Variants in ANKRD12 observed in about 807,000 individuals in gnomAD.
The protein encoded by ANKRD12 is ankyrin repeat domain-containing protein 12.
Under a neutral mutation model 183.4 loss-of-function variants are expected in ANKRD12, and 85 were observed. The observed-to-expected ratio is 0.46, with a 90% CI of 0.39 to 0.56. ANKRD12 has a LOEUF of 0.56. ANKRD12 is among the 20% of genes least tolerant of loss of function. The pLI is 0.00. For synonymous variants in ANKRD12, 914 were observed against 800.2 expected (o/e 1.14, Z -2.40); for missense variants, 2,405 against 2,357.1 (o/e 1.02, Z -0.42).
intron 1 of ANKRD12, among the ~76,000 whole-genome samples, chr18:9,138,200 T>C (rs943831538): frequency 3.3e-5 from 5 of 152,216 alleles, no homozygotes; most frequent in Non-Finnish European, 1.5e-5. Flanking sequence ...TATTTTATCG[T>C]AAATTAACTG....
intron 10 of ANKRD12, among the ~76,000 whole-genome samples, chr18:9,266,674 A>G (rs1350860305): frequency 6.6e-6 from 1 of 152,254 alleles, no homozygotes; most frequent in Non-Finnish European, 1.5e-5. Flanking sequence ...GCCAAATTGT[A>G]AAGACCATCA....
chr18:9,192,719 A>G (rs968885323), intron 2 of ANKRD12, among the ~76,000 whole-genome samples: 3 of 122,670 alleles, frequency 2.4e-5, no homozygotes, highest in Non-Finnish European at 5.4e-5. Context: ...CTTTTTTTTT[A>G]GAGACAGGGT....
intron 3 of ANKRD12, among the ~76,000 whole-genome samples, chr18:9,203,089 T>C (rs2035270076): frequency 6.6e-6 from 1 of 152,248 alleles, no homozygotes; most frequent in Admixed American, 6.5e-5. Context: ...TTAAATTTTT[T>C]TGTTTGTCTT....
rs2040086403 is a variant in ANKRD12 at position 9,280,988 on chromosome 18, T to C, written c.6051T>C (p.Ala2017=). Residue 2017 remains alanine, a synonymous_variant, in exon 13 of 13, where the codon GCT becomes GCC. Coordinates refer to ENST00000262126, the MANE Select transcript of ANKRD12 (RefSeq NM_015208.5). ...RQQHEAAALN[A]VQRLEWQLKL... is the part of the protein sequence containing the mutation. The stretch of plus-strand genomic sequence containing the variant: ...AACATGAAGCTGCGGCTTTAAATGC[T>C]GTCCAGAGGTTAGAATGGCAGCTCA... 4 of 1,613,750 alleles carry C rather than the reference T, an allele frequency of 2.5e-6. No individual in the cohort carries two copies. The South Asian group carries it at 4.4e-5, about 18-fold the overall frequency.
intron 1 of ANKRD12, among the ~76,000 whole-genome samples, chr18:9,167,034 C>T (rs555971179): frequency 5.9e-5 from 9 of 151,820 alleles, no homozygotes; most frequent in East Asian, 3.9e-4. Flanking sequence ...TGTAAATATG[C>T]GGCATTATTT....
At position 9,258,550 on chromosome 18, in the gene ANKRD12, C is replaced by T; in HGVS notation, c.5283C>T (p.Asp1761=). The T allele has an allele frequency of 2.5e-6, 4 of 1,613,760 alleles. No individual in the cohort carries two copies. The highest frequency in any genetic ancestry group is 3.4e-6 in the Non-Finnish European group (4 of 1,179,906). ...LASCTLLSEK[D]SESSSPRGRI... ...GCTGTACACTATTATCAGAAAAAGACAGTGAATCCTCATCTCCTAGAGGAA... is the reference window on the plus strand; with the variant it reads ...GCTGTACACTATTATCAGAAAAAGATAGTGAATCCTCATCTCCTAGAGGAA... Residue 1761 remains aspartate (D), a synonymous_variant, in exon 9 of 13, where the codon GAC becomes GAT. Coordinates refer to ENST00000262126, the MANE Select transcript of ANKRD12 (RefSeq NM_015208.5).
At chr18:9,175,785 C>T (rs1043196662) in intron 1 of ANKRD12, among the ~76,000 whole-genome samples, 1 of 151,974 alleles carries the variant, frequency 6.6e-6, no homozygotes, top group Non-Finnish European at 1.5e-5. Context: ...GCCTTGGCCT[C>T]CCAAAGTGCT....
chr18:9,207,239 A>T lies in ANKRD12; in HGVS notation c.305-1418A>T, dbSNP rs879778588. Among the ~76,000 whole-genome samples the T allele has an allele frequency of 7.9e-5, 12 of 152,244 alleles. No homozygotes were observed. The East Asian group carries it at 9.6e-4, about 12-fold the overall frequency. Reference sequence around the variant, plus strand: ...TTATAATGCAGCGTAAGTTAGGAAAAGTACTGTGCTAAGATTGGATTTATG... The same window carrying T: ...TTATAATGCAGCGTAAGTTAGGAAATGTACTGTGCTAAGATTGGATTTATG... On this transcript the variant is annotated intron_variant, in intron 4 of 12. Transcript: ENST00000262126.
At chr18:9,185,327 G>A (rs1246172784) in intron 2 of ANKRD12, among the ~76,000 whole-genome samples, 1 of 152,190 alleles carries the variant, frequency 6.6e-6, no homozygotes, top group South Asian at 2.1e-4. Context: ...GGCAGTGTGG[G>A]CAGTGGCTTT....
At chr18:9,274,178 G>A (rs2039726735) in intron 10 of ANKRD12, among the ~76,000 whole-genome samples, 1 of 152,218 alleles carries the variant, frequency 6.6e-6, no homozygotes. Flanking sequence ...GGTAGAAAAG[G>A]GGAGGTCAGA....
chr18:9,142,985 T>C (rs2078370358), intron 1 of ANKRD12, among the ~76,000 whole-genome samples: 1 of 152,182 alleles, frequency 6.6e-6, no homozygotes, highest in South Asian at 2.1e-4. Flanking sequence ...ACAAGAATAT[T>C]GTAACTAGGA....
chr18:9,255,528 T>G lies in ANKRD12; in HGVS notation c.2261T>G (p.Ile754Ser). 1 of 1,575,398 alleles carries G rather than the reference T, an allele frequency of 6.3e-7. No individual in the cohort carries two copies. The highest frequency in any genetic ancestry group is 8.6e-7 in the Non-Finnish European group (1 of 1,169,328). Residue 754 changes from isoleucine to serine, a missense_variant, in exon 9 of 13, where the codon ATT (isoleucine) becomes AGT (serine). Physicochemically the swap from Ile to Ser is moderately radical, Grantham distance 142. Around this residue, in one of 7 missense-constraint regions of ANKRD12, gnomAD observed 1,983 missense variants for 1,725.9 expected, o/e 1.15. Coordinates refer to ENST00000262126, the MANE Select transcript of ANKRD12 (RefSeq NM_015208.5). ...AACTTTAAAGAGGAACGAGACAAGATTAAAAAGGAAAGCGAGAAATCTTTT... is the reference window on the plus strand; with the variant it reads ...AACTTTAAAGAGGAACGAGACAAGAGTAAAAAGGAAAGCGAGAAATCTTTT... ...ERNFKEERDKIKKESEKSFRE... is the reference protein window; with the variant it reads ...ERNFKEERDKSKKESEKSFRE...
chr18:9,147,335 T>C (rs2143483047), intron 1 of ANKRD12, among the ~76,000 whole-genome samples: 1 of 152,284 alleles, frequency 6.6e-6, no homozygotes, highest in East Asian at 1.9e-4. Flanking sequence ...GGTTAAGCTG[T>C]GAGCAATACT....
intron 9 of ANKRD12, among the ~76,000 whole-genome samples, chr18:9,261,475 A>G (rs1267952176): frequency 6.6e-6 from 1 of 152,200 alleles, no homozygotes; most frequent in Non-Finnish European, 1.5e-5. Flanking sequence ...GTAAGATTGT[A>G]AAGAATTGTA....
At chr18:9,225,688 T>C (rs2036663953) in intron 8 of ANKRD12, among the ~76,000 whole-genome samples, 2 of 152,194 alleles carry the variant, frequency 1.3e-5, no homozygotes, top group Non-Finnish European at 2.9e-5. Context: ...AGATCCTCAA[T>C]ACTTTCGAAA....
intron 1 of ANKRD12, among the ~76,000 whole-genome samples, chr18:9,172,983 C>T (rs565369612): frequency 6.6e-6 from 1 of 152,056 alleles, no homozygotes; most frequent in South Asian, 2.1e-4. Flanking sequence ...CTTACTGCAA[C>T]CTCAACCTCG....
intron 3 of ANKRD12, among the ~76,000 whole-genome samples, chr18:9,203,685 A>G (rs750958638): frequency 6.6e-6 from 1 of 151,934 alleles, no homozygotes; most frequent in Non-Finnish European, 1.5e-5. Context: ...GCTTACCGCA[A>G]CCCCGGCCAC....
chr18:9,201,755 T>TC, intron 3 of ANKRD12, among the ~76,000 whole-genome samples: 1 of 152,314 alleles, frequency 6.6e-6, no homozygotes, highest in Non-Finnish European at 1.5e-5. Flanking sequence ...TGAATATCTT[T>TC]CACTTTTTTT....
chr18:9,252,888 G>C (rs937565581), intron 8 of ANKRD12, among the ~76,000 whole-genome samples: 1 of 152,054 alleles, frequency 6.6e-6, no homozygotes, highest in Non-Finnish European at 1.5e-5. Context: ...GTCAGTTTTG[G>C]ATTAAAGGAT....
Sources: allele counts gnomAD v4.1 joint callset (sites outside exome capture counted in the v4.1 genomes callset), GRCh38; gene constraint gnomAD v4.1.1; regional missense constraint gnomAD v4.1.1; transcripts MANE v1.5; gene names NCBI Gene and HGNC (gene_info 2026-07-23, HGNC 2026-07-21).